The following SYCP1 variants were observed in gnomAD, a reference collection of about 807,000 sequenced individuals.
SYCP1 encodes the protein cancer/testis antigen 8.
In SYCP1, 64 loss-of-function variants were observed where a neutral mutation model predicts 153.1. The observed-to-expected ratio is 0.42, with a 90% confidence interval of 0.34 to 0.51. The LOEUF is 0.51. Among genes scored for constraint, SYCP1 ranks in the 20% least tolerant of loss-of-function variants. The pLI is 0.06. For synonymous variants in SYCP1, 384 were observed against 341.8 expected (o/e 1.12, Z -1.36); for missense variants, 997 against 1,049.0 (o/e 0.95, Z 0.68).
chr1:114,962,433 C>G (rs899969623), intron 27 of SYCP1, among the ~76,000 whole-genome samples: 1 of 152,064 alleles, frequency 6.6e-6, no homozygotes, highest in African/African-American at 2.4e-5. Flanking sequence ...TCTTTTTAAA[C>G]TGTTGTTGCT....
At chr1:114,992,685 G>C (rs1348728168) in intron 30 of SYCP1, among the ~76,000 whole-genome samples, 2 of 151,578 alleles carry the variant, frequency 1.3e-5, no homozygotes, top group Non-Finnish European at 3.0e-5. Flanking sequence ...TAAAACTATA[G>C]ACGAAAACAC....
rs913403875 is a variant in SYCP1, at chr1:114,886,107, A to G, written c.1006-18A>G. ...GCCTTTGGATCATTGCTCTTGTTTT[A>G]TACTTTATTTCATTTAGAGTACTCA... On this transcript the variant is annotated intron_variant, in intron 13 of 31. Coordinates refer to ENST00000369522, the MANE Select transcript of SYCP1 (RefSeq NM_003176.4). 2.6e-6 allele frequency: 4 copies of G among 1,544,692 alleles called. No homozygotes were observed. Among genetic ancestry groups the G allele is most frequent in the Middle Eastern group, 1.8e-4 (1 of 5,416 alleles).
At chr1:114,899,659 A>G (rs1159093151) in intron 16 of SYCP1, among the ~76,000 whole-genome samples, 1 of 152,268 alleles carries the variant, frequency 6.6e-6, no homozygotes, top group Non-Finnish European at 1.5e-5. Flanking sequence ...CGTGGTTTAC[A>G]ATAACTTAAC....
At chr1:114,863,529 G>T (rs1043430371) in intron 8 of SYCP1, among the ~76,000 whole-genome samples, 2 of 152,038 alleles carry the variant, frequency 1.3e-5, no homozygotes, top group African/African-American at 2.4e-5. Context: ...CTCCAGCCTG[G>T]CAACAGAGCA....
At chr1:114,862,821 T>C (rs1664468705) in intron 8 of SYCP1, 2 of 152,216 alleles carry the variant, frequency 1.3e-5, no homozygotes. Flanking sequence ...TAGTGTAAAC[T>C]CTATGCAGAT....
intron 27 of SYCP1, among the ~76,000 whole-genome samples, chr1:114,968,055 TC>T: frequency 6.6e-6 from 1 of 152,376 alleles, no homozygotes; most frequent in African/African-American, 2.4e-5. Flanking sequence ...CCACTGTTAA[TC>T]TGATGGGCTT....
intron 27 of SYCP1, among the ~76,000 whole-genome samples, chr1:114,971,891 CTTTGTGTCTGGTT>C (rs1170325722): frequency 6.6e-6 from 1 of 151,802 alleles, no homozygotes; most frequent in Non-Finnish European, 1.5e-5. Flanking sequence ...TTTGATGTGT[CTTTGTGTCTGGTT>C]TTGGTTTAAG....
At chr1:114,877,506 A>G (rs971510532) in intron 11 of SYCP1, among the ~76,000 whole-genome samples, 1 of 152,226 alleles carries the variant, frequency 6.6e-6, no homozygotes, top group Non-Finnish European at 1.5e-5. Flanking sequence ...TATCTACTTA[A>G]TAATTTAAAA....
At chr1:114,887,834 T>C in intron 15 of SYCP1, 141 bp downstream of exon 15, 1 of 522,748 alleles carries the variant, frequency 1.9e-6, no homozygotes, top group East Asian at 3.5e-5. Flanking sequence ...TTTCAATATT[T>C]GAAGGTAGAA....
At chr1:114,873,570 G>T (rs562640479) in intron 8 of SYCP1, among the ~76,000 whole-genome samples, 2 of 152,306 alleles carry the variant, frequency 1.3e-5, no homozygotes, top group South Asian at 4.2e-4. Context: ...ATTCCCAGCA[G>T]ATTTTGCTCT....
At position 114,878,098 on chromosome 1, in the gene SYCP1, C is replaced by T; in HGVS notation, c.806C>T (p.Ser269Leu). The change falls in exon 12 of 32, where the codon TCA becomes TTA. Residue 269 changes from serine to leucine, a missense_variant. Around this residue, in one of 2 missense-constraint regions of SYCP1, gnomAD observed 285 missense variants for 366.1 expected, o/e 0.78. Coordinates refer to ENST00000369522, the MANE Select transcript of SYCP1 (RefSeq NM_003176.4). ...TGTATTATTTAAATATTTTAGGTATCACTACTATTGATCCAAATCACTGAG... is the reference window on the plus strand; with the variant it reads ...TGTATTATTTAAATATTTTAGGTATTACTACTATTGATCCAAATCACTGAG... ...KEINDKEKQVSLLLIQITEKE... is the reference protein window; with the variant it reads ...KEINDKEKQVLLLLIQITEKE... 1 of 1,519,712 alleles carries T rather than the reference C, an allele frequency of 6.6e-7. No homozygotes were observed. The highest frequency in any genetic ancestry group is 9.0e-7 in the Non-Finnish European group (1 of 1,111,710). The allele number at this position is 1,519,712 out of a possible 1,614,324, so 94.1% of individuals were successfully genotyped here.
At chr1:114,954,781 A>G (rs1430650406) in intron 27 of SYCP1, among the ~76,000 whole-genome samples, 3 of 151,950 alleles carry the variant, frequency 2.0e-5, no homozygotes, top group African/African-American at 7.2e-5. Flanking sequence ...GAGTTTCACC[A>G]TGTTGTCCAG....
chr1:114,912,523 C>G (rs1382362930), intron 18 of SYCP1, among the ~76,000 whole-genome samples: 2 of 151,690 alleles, frequency 1.3e-5, no homozygotes, highest in Non-Finnish European at 3.0e-5. Flanking sequence ...CTTTTAAGAG[C>G]AAGTTAGGTG....
At chr1:114,922,599 C>A (rs186092515) in intron 20 of SYCP1, among the ~76,000 whole-genome samples, 7 of 152,218 alleles carry the variant, frequency 4.6e-5, no homozygotes, top group South Asian at 2.1e-4. Context: ...GATCCTCCCC[C>A]ACAACCCAAA....
intron 18 of SYCP1, among the ~76,000 whole-genome samples, chr1:114,911,947 T>G (rs996293906): frequency 6.6e-6 from 1 of 152,046 alleles, no homozygotes; most frequent in African/African-American, 2.4e-5. Flanking sequence ...ATTTCTTACA[T>G]TATCCAAATA....
intron 25 of SYCP1, among the ~76,000 whole-genome samples, 157 bp downstream of exon 25, chr1:114,945,139 T>C (rs545630824): frequency 1.3e-5 from 2 of 152,116 alleles, no homozygotes; most frequent in East Asian, 3.9e-4. Flanking sequence ...TGCCCATTTC[T>C]TCAAGTTCAG....
At chr1:114,946,410 G>A in intron 26 of SYCP1, 29 bp downstream of exon 26, 1 of 1,417,714 alleles carries the variant, frequency 7.1e-7, no homozygotes. Flanking sequence ...TGCAGTAACG[G>A]CCAGTTTTCA....
At chr1:114,860,673 T>G in intron 7 of SYCP1, 63 bp from the exon 8 acceptor site, 1 of 1,033,176 alleles carries the variant, frequency 9.7e-7, no homozygotes. Flanking sequence ...TTTCATAACT[T>G]ATATATTGTG....
chr1:114,959,515 T>C (rs1255314132), intron 27 of SYCP1, among the ~76,000 whole-genome samples: 1 of 152,204 alleles, frequency 6.6e-6, no homozygotes, highest in Admixed American at 6.5e-5. Flanking sequence ...GCATACATTG[T>C]GTAATAATTT....
Sources: gnomAD v4.1 joint callset for allele counts (sites outside exome capture counted in the v4.1 genomes callset) on GRCh38, gnomAD v4.1.1 for gene constraint, gnomAD v4.1.1 regional missense constraint, MANE v1.5 for transcripts, NCBI Gene and HGNC (gene_info 2026-07-23, HGNC 2026-07-21) for gene names.